TELO2: variants seen among roughly 807,000 people sequenced by gnomAD.
TELO2 encodes telomere maintenance 2, also known as telomere length regulation protein TEL2 homolog.
In TELO2, 71 loss-of-function variants were observed where a neutral mutation model predicts 91.0. That is an observed-to-expected ratio of 0.78 (90% CI 0.64 to 0.95). The LOEUF (loss-of-function observed/expected upper bound fraction) is 0.95. Ranked by LOEUF, TELO2 falls within the 40% of genes least tolerant of loss-of-function variation. The pLI, the probability that TELO2 is intolerant of heterozygous loss-of-function variation, is 0.00. For missense variants in TELO2, 1,183 were observed against 1,141.3 expected (o/e 1.04, Z -0.53); for synonymous variants, 584 against 518.9 (o/e 1.13, Z -1.71).
At chr16:1,503,070 C>T (rs2039764735) in intron 15 of TELO2, 68 bp downstream of exon 15, 3 of 1,561,984 alleles carry the variant, frequency 1.9e-6, no homozygotes, top group African/African-American at 2.7e-5. Context: ...GCTGCCAAAA[C>T]CTGGGTCTCC....
chr16:1,507,485 CCAAA>C, intron 19 of TELO2, 112 bp from the exon 20 acceptor site: 1 of 1,504,494 alleles, frequency 6.6e-7, no homozygotes, highest in Non-Finnish European at 9.0e-7. Context: ...CTGGTACTTC[CCAAA>C]TAGGAAGTGT....
In TELO2 at chr16:1,500,185, C is replaced by T. The variant is rs201393909; in HGVS notation, c.1002+21C>T. On this transcript the variant is annotated intron_variant, in intron 7 of 20. Coordinates refer to ENST00000262319, the MANE Select transcript of TELO2 (RefSeq NM_016111.4). ...TGCAGGTACGTGCCTCCTGGCTCTC[C>T]GTCCCTGCGAGGCCCTGGGAGAAGA... The T allele has an allele frequency of 1.8e-5, 29 of 1,589,812 alleles. No homozygotes were observed. The East Asian group carries it at 3.4e-4, about 19-fold the overall frequency.
rs544921084 is a variant in TELO2, at chr16:1,506,494, G to T, written c.2126+165G>T. ...TGTGTTAAATGGCAGGGAGCGTCCC[G>T]CAAGATTCCTCTGTGGTTGAGCTTT... On this transcript the variant is annotated intron_variant, in intron 17 of 20. Coordinates refer to ENST00000262319, the MANE Select transcript of TELO2 (RefSeq NM_016111.4). The T allele has an allele frequency of 4.8e-6, 7 of 1,470,956 alleles. No individual in the cohort carries two copies. In the East Asian group the frequency reaches 1.2e-4, roughly 26 times the overall value. 91.1% of individuals were successfully genotyped at this position (1,470,956 alleles called of 1,614,324 possible). A position where few individuals can be genotyped will look rare whatever the true frequency, so the allele number is the denominator to read the frequency against.
In TELO2 at chr16:1,494,148, T is replaced by C; in HGVS notation, c.-36-98T>C. On this transcript the variant is annotated intron_variant, in intron 1 of 20. Transcript: ENST00000262319. This position sits in a 1 kb window ranked among gnomAD's most constrained non-coding sequence, Gnocchi z 5.6. ...GGGACAGGGTTGGGTGGGACCAGGG[T>C]TGAGGGGTGTGGGGTCTCGGGGCGC... The C allele has an allele frequency of 1.3e-6, 1 of 775,438 alleles. No homozygotes were observed. Among genetic ancestry groups the C allele is most frequent in the Non-Finnish European group, 2.1e-6 (1 of 484,932 alleles). 48.0% of individuals were successfully genotyped at this position (775,438 alleles called of 1,614,324 possible).
chr16:1,501,583 C>T, intron 10 of TELO2, 80 bp from the exon 11 acceptor site: 4 of 1,566,310 alleles, frequency 2.6e-6, no homozygotes, highest in Non-Finnish European at 3.5e-6. Flanking sequence ...GGGGGGAAAC[C>T]CTTTCTTTCT....
intron 13 of TELO2, 120 bp from the exon 14 acceptor site, chr16:1,502,525 C>G (rs1025375689): frequency 2.0e-6 from 3 of 1,503,886 alleles, no homozygotes; most frequent in Non-Finnish European, 2.7e-6. Flanking sequence ...CTGCCTCTCC[C>G]GGGGGGCCTG....
In TELO2 at chr16:1,507,416, A is replaced by C. The variant is rs768996889; in HGVS notation, c.2291+46A>C. ...GGCCAGGCCAGGGGTGCAGGCAGAC[A>C]CAGGGGTCTTATTGTGGGGGCCCCG... On this transcript the variant is annotated intron_variant, in intron 19 of 20. Transcript: ENST00000262319. 3.7e-6 allele frequency: 6 copies of C among 1,602,538 alleles called. No homozygotes were observed. The African/African-American group carries it at 6.7e-5, about 18-fold the overall frequency.
rs1567290554 is a variant in TELO2, at chr16:1,494,418, C to CGCTCCCGAGGGAGAAGGAGGA, written c.139_159dup (p.Leu47_Glu53dup). The CGCTCCCGAGGGAGAAGGAGGA allele has an allele frequency of 6.2e-7, 1 of 1,613,274 alleles. No individual in the cohort carries two copies. The highest frequency in any genetic ancestry group is 1.7e-5 in the Admixed American group (1 of 60,010). Reference sequence around the variant, plus strand: ...TATCTCGGTGAGATGGAGCCTCCAGCGCTCCCGAGGGAGAAGGAGGAGTTT... The same window carrying CGCTCCCGAGGGAGAAGGAGGA: ...TATCTCGGTGAGATGGAGCCTCCAGCGCTCCCGAGGGAGAAGGAGGAGCTCCCGAGGGAGAAGGAGGAGTTT... On this transcript the variant is annotated inframe_insertion, in exon 2 of 21. Transcript: ENST00000262319. The surrounding 1 kb of genome is among the most constrained non-coding windows in gnomAD (Gnocchi z 5.6).
At chr16:1,499,549 C>A (rs758587865) in intron 6 of TELO2, among the ~76,000 whole-genome samples, 1 of 142,040 alleles carries the variant, frequency 7.0e-6, no homozygotes, top group Non-Finnish European at 1.5e-5. Context: ...TGTCAATCTT[C>A]TAGACTCCCG....
intron 17 of TELO2, chr16:1,506,692 T>C: frequency 7.3e-7 from 1 of 1,376,054 alleles, no homozygotes; most frequent in Non-Finnish European, 9.4e-7. Context: ...GGCAGAGAAG[T>C]GTGGGGCCTG....
chr16:1,500,357 A>T lies in TELO2; in HGVS notation c.1013A>T (p.Glu338Val), dbSNP rs1281921891. 6.3e-7 allele frequency: 1 copy of T among 1,591,384 alleles called. No homozygotes were observed. Among genetic ancestry groups the T allele is most frequent in the Non-Finnish European group, 8.5e-7 (1 of 1,171,182 alleles). The part of the protein sequence containing the change: ...RRPLLLQVLK[E>V]LLETWGSSSA... Reference sequence around the variant, plus strand: ...CCATGCCACCTGCAGGTGCTGAAGGAGCTGTTGGAGACGTGGGGCAGCAGC... The same window carrying T: ...CCATGCCACCTGCAGGTGCTGAAGGTGCTGTTGGAGACGTGGGGCAGCAGC... Residue 338 changes from glutamate (E) to valine (V), a missense_variant, in exon 8 of 21, where the codon GAG becomes GTG. Transcript: ENST00000262319.
intron 12 of TELO2, 34 bp from the exon 13 acceptor site, chr16:1,502,279 G>C (rs1211192628): frequency 6.3e-7 from 1 of 1,575,364 alleles, no homozygotes; most frequent in East Asian, 2.3e-5. Context: ...GGTCAGGGCT[G>C]AGGCTGACCG....
In TELO2 at chr16:1,502,686, G is replaced by C. The variant is rs767631688; in HGVS notation, c.1695G>C (p.Glu565Asp). 2 of 1,612,594 alleles carry C rather than the reference G, an allele frequency of 1.2e-6. No homozygotes were observed. The highest frequency in any genetic ancestry group is 2.7e-5 in the African/African-American group (2 of 74,934). Reference protein sequence around the residue: ...ELAKVLLHLEEKTCVVGFAGL... With the variant: ...ELAKVLLHLEDKTCVVGFAGL... ...CCAAGGTGCTTCTGCATCTGGAGGA[G>C]AAGACCTGTGTGGTGGGATTTGCAG... Residue 565 changes from glutamate (E) to aspartate (D), a missense_variant, in exon 14 of 21, where the codon GAG becomes GAC. Transcript: ENST00000262319.
chr16:1,499,178 C>A, intron 5 of TELO2, 53 bp from the exon 6 acceptor site: 1 of 1,592,376 alleles, frequency 6.3e-7, no homozygotes, highest in Non-Finnish European at 8.6e-7. Context: ...CGCTCTCGCT[C>A]CTCCCTGTCT....
Position 1,500,081 on chromosome 16 carries a change from G to A in TELO2, c.934-15G>A, listed in dbSNP as rs2039621417. On this transcript the variant is annotated splice_polypyrimidine_tract_variant and intron_variant, in intron 6 of 20. Coordinates refer to ENST00000262319, the MANE Select transcript of TELO2 (RefSeq NM_016111.4). ...CGGCCTCAGCCCAGTGGACAGGCAT[G>A]TGCTTTTATTGCAGACGCCCATGCT... is the stretch of plus-strand genomic sequence containing the variant. 6.2e-7 allele frequency: 1 copy of A among 1,607,438 alleles called. No homozygotes were observed. The highest frequency in any genetic ancestry group is 1.7e-5 in the Admixed American group (1 of 59,796).
At chr16:1,509,387 C>T (rs183955316) in intron 20 of TELO2, among the ~76,000 whole-genome samples, 35 of 152,332 alleles carry the variant, frequency 2.3e-4, no homozygotes, top group African/African-American at 7.9e-4. Flanking sequence ...TGGTGAGGGT[C>T]CCAGCACTGC....
At position 1,500,421 on chromosome 16, in the gene TELO2, C is replaced by T. The variant is rs375335497; in HGVS notation, c.1077C>T (p.His359=). The change falls in exon 8 of 21, where the codon CAC becomes CAT. Residue 359 remains histidine, a synonymous_variant. Transcript: ENST00000262319. ...ACACTCCCCTGCCGCAGCAGCGCCA[C>T]GTCAGCAAGGCTGTCCTCATCTGCC... ...IRHTPLPQQR[H]VSKAVLICLA... 5.0e-6 allele frequency: 8 copies of T among 1,606,922 alleles called. No individual in the cohort carries two copies. Among genetic ancestry groups the T allele is most frequent in the African/African-American group, 4.0e-5 (3 of 74,898 alleles).
chr16:1,495,702 G>A (rs954040083), intron 3 of TELO2, 79 bp downstream of exon 3: 36 of 1,499,846 alleles, frequency 2.4e-5, no homozygotes, highest in African/African-American at 4.2e-5. Context: ...GGTGCCTCAC[G>A]GCCTCTGGAG....
chr16:1,499,752 T>C (rs2039611007), intron 6 of TELO2, among the ~76,000 whole-genome samples: 1 of 152,170 alleles, frequency 6.6e-6, no homozygotes, highest in African/African-American at 2.4e-5. Context: ...GTCCCCTGAC[T>C]CCCGGCCACA....
Sources: gnomAD v4.1 joint callset for allele counts (sites outside exome capture counted in the v4.1 genomes callset) on GRCh38, gnomAD v4.1.1 for gene constraint, Gnocchi (gnomAD v3.1) non-coding constraint, MANE v1.5 for transcripts, NCBI Gene and HGNC (gene_info 2026-07-23, HGNC 2026-07-21) for gene names.